The following DNPEP variants were observed in gnomAD, a reference collection of about 807,000 sequenced individuals.
DNPEP encodes aspartyl aminopeptidase.
DNPEP carries 46 observed loss-of-function variants against 59.1 expected under a neutral mutation model. The observed-to-expected ratio is 0.78, with a 90% CI of 0.61 to 0.99. DNPEP has a LOEUF of 0.99. Among genes scored for constraint, DNPEP ranks in the 50% least tolerant of loss-of-function variants. The pLI is 0.00. For synonymous variants in DNPEP, 229 were observed against 242.2 expected (o/e 0.95, Z 0.50); for missense variants, 617 against 649.9 (o/e 0.95, Z 0.55).
At chr2:219,386,870 A>ACCCCCCC in intron 3 of DNPEP, 22 bp downstream of exon 3, 1 of 1,431,928 alleles carries the variant, frequency 7.0e-7, no homozygotes, top group Non-Finnish European at 9.8e-7. Flanking sequence ...CTGCCTTTCC[A>ACCCCCCC]CCCCCACCCC....
Position 219,386,795 on chromosome 2 carries a change from G to A in DNPEP, c.220-17C>T. 2 of 1,607,874 alleles carry A rather than the reference G, an allele frequency of 1.2e-6. No individual in the cohort carries two copies. Among genetic ancestry groups the A allele is most frequent in the Non-Finnish European group, 1.7e-6 (2 of 1,174,690 alleles). Reference sequence around the variant, plus strand: ...CATGAAGTACTGAGGAGAAGGGGAGGAAAGACAGGGGTGTGAGTTGCATTA... The same window carrying A: ...CATGAAGTACTGAGGAGAAGGGGAGAAAAGACAGGGGTGTGAGTTGCATTA... On this transcript the variant is annotated splice_polypyrimidine_tract_variant and intron_variant, in intron 3 of 14. Transcript: ENST00000273075.
rs115897075 is a variant in DNPEP at position 219,385,510 on chromosome 2, G to T, written c.688C>A (p.Leu230Ile). ...AGATGGGCACAGAGCAGGGACATGAGGACCGAATGGTGCCGCTCATCCTGA... is the reference window on the plus strand; with the variant it reads ...AGATGGGCACAGAGCAGGGACATGATGACCGAATGGTGCCGCTCATCCTGA... ...NAVDERHHSV[L>I]MSLLCAHLGL... Residue 230 changes from leucine (L) to isoleucine (I), a missense_variant, in exon 8 of 15, where the codon CTC (leucine) becomes ATC (isoleucine). Transcript: ENST00000273075. 6.2e-7 allele frequency: 1 copy of T among 1,604,004 alleles called. No individual in the cohort carries two copies. Among genetic ancestry groups the T allele is most frequent in the African/African-American group, 1.3e-5 (1 of 74,882 alleles).
upstream of DNPEP, among the ~76,000 whole-genome samples, chr2:219,389,951 G>A (rs898900610): frequency 6.6e-5 from 10 of 152,156 alleles, no homozygotes; most frequent in African/African-American, 1.7e-4. Context: ...TGAAAGGGCC[G>A]AAACAAGGCT....
rs1382534841 is a variant in DNPEP, at chr2:219,382,091, C to G, written c.985G>C (p.Val329Leu). ...CACGAGGCTGAGATCCGCCGCAGCA[C>G]CAGCTCTGTCAGCAGTGACTGTGCT... Reference protein sequence around the residue: ...QGAQSLLTELVLRRISASCQH... With the variant: ...QGAQSLLTELLLRRISASCQH... The change falls in exon 11 of 15, where the codon GTG becomes CTG. Residue 329 changes from valine (V) to leucine (L), a missense_variant. Physicochemically the swap from Val to Leu is conservative, Grantham distance 32. Transcript: ENST00000273075. 2 of 1,613,692 alleles carry G rather than the reference C, an allele frequency of 1.2e-6. No individual in the cohort carries two copies. Among genetic ancestry groups the G allele is most frequent in the African/African-American group, 2.7e-5 (2 of 75,060 alleles).
At chr2:219,380,112 G>A (rs1358921223) in intron 13 of DNPEP, among the ~76,000 whole-genome samples, 1 of 151,366 alleles carries the variant, frequency 6.6e-6, no homozygotes, top group Non-Finnish European at 1.5e-5. Context: ...AACTTCGAGT[G>A]CCGTAAGCTC....
At chr2:219,379,471 A>G (rs1953499240) in intron 13 of DNPEP, among the ~76,000 whole-genome samples, 1 of 152,214 alleles carries the variant, frequency 6.6e-6, no homozygotes, top group Non-Finnish European at 1.5e-5. Flanking sequence ...AAAAGTTTAA[A>G]AATTTTAAAA....
In DNPEP at chr2:219,387,070, C is replaced by A; in HGVS notation, c.130G>T (p.Ala44Ser). The A allele has an allele frequency of 6.2e-7, 1 of 1,606,190 alleles. No homozygotes were observed. The highest frequency in any genetic ancestry group is 8.5e-7 in the Non-Finnish European group (1 of 1,175,846). Reference protein sequence around the residue: ...FVNRSPSPFHAVAECRNRLLQ... With the variant: ...FVNRSPSPFHSVAECRNRLLQ... ...CTCCCTTGCCCTGGCCACCGCTTAC[C>A]ATGGAAAGGAGAGGGACTCCGGTTC... Residue 44 changes from alanine to serine, a missense_variant and splice_region_variant, in exon 2 of 15, where the codon GCT (alanine) becomes TCT (serine). Physicochemically the swap from Ala to Ser is moderately conservative, Grantham distance 99. Transcript: ENST00000273075.
At chr2:219,377,204 G>A (rs1953406879) in intron 13 of DNPEP, among the ~76,000 whole-genome samples, 1 of 149,598 alleles carries the variant, frequency 6.7e-6, no homozygotes, top group African/African-American at 2.5e-5. Flanking sequence ...AACCAGGGAG[G>A]CGGAGGTTGC....
intron 9 of DNPEP, among the ~76,000 whole-genome samples, chr2:219,383,491 CT>C (rs796293079): frequency 4.9e-4 from 65 of 132,070 alleles, no homozygotes; most frequent in Admixed American, 5.3e-4. Flanking sequence ...TTCTTTCTTT[CT>C]TTTTTTTTTT....
intron 1 of DNPEP, 129 bp from the exon 2 acceptor site, chr2:219,387,292 G>GA: frequency 6.9e-7 from 1 of 1,448,172 alleles, no homozygotes; most frequent in Admixed American, 2.8e-5. Flanking sequence ...GCTTCCGCCC[G>GA]TCCCCACCGA....
rs752522351 is a variant in DNPEP, at chr2:219,381,542, C to T, written c.1137+3G>A. ...GTCCCTAGGGAGAAATGGCACGTCTCACCTTGTGGAATAAAGGCCGGTGGT... is the reference window on the plus strand; with the variant it reads ...GTCCCTAGGGAGAAATGGCACGTCTTACCTTGTGGAATAAAGGCCGGTGGT... On this transcript the variant is annotated splice_donor_region_variant and intron_variant, in intron 12 of 14. Coordinates refer to ENST00000273075, the MANE Select transcript of DNPEP (RefSeq NM_012100.4). 5.0e-6 allele frequency: 8 copies of T among 1,614,112 alleles called. No homozygotes were observed. Among genetic ancestry groups the T allele is most frequent in the Non-Finnish European group, 6.8e-6 (8 of 1,180,050 alleles).
intron 1 of DNPEP, among the ~76,000 whole-genome samples, chr2:219,398,649 C>CA (rs533381181): frequency 7.9e-4 from 107 of 135,730 alleles, no homozygotes; most frequent in South Asian, 2.1e-3. Flanking sequence ...GACTCCATCT[C>CA]AAAAAAAAAA....
chr2:219,378,544 C>T (rs1181382615), intron 13 of DNPEP, among the ~76,000 whole-genome samples: 3 of 152,116 alleles, frequency 2.0e-5, no homozygotes. Flanking sequence ...CAGGATACCA[C>T]GGTTCTACAC....
chr2:219,385,244 G>A, intron 8 of DNPEP, 180 bp downstream of exon 8: 2 of 574,874 alleles, frequency 3.5e-6, no homozygotes, highest in Non-Finnish European at 6.3e-6. Flanking sequence ...TCTGGGGTAG[G>A]GAACTTGTCT....
chr2:219,386,615 G>A (rs370035473), intron 4 of DNPEP, 50 bp downstream of exon 4: 1 of 1,545,476 alleles, frequency 6.5e-7, no homozygotes, highest in African/African-American at 1.4e-5. Context: ...CTTTTGCCCT[G>A]TACTCCCTCT....
At chr2:219,388,915 A>C (rs545483781), upstream of DNPEP, 1 of 978,204 alleles carries the variant, frequency 1.0e-6, no homozygotes, top group African/African-American at 1.8e-5. Flanking sequence ...AAGCTGAGAT[A>C]CGGAGACTAG....
chr2:219,377,930 A>T (rs951652099), intron 13 of DNPEP, among the ~76,000 whole-genome samples: 3 of 151,428 alleles, frequency 2.0e-5, no homozygotes, highest in South Asian at 2.1e-4. Flanking sequence ...TTCTAATTTT[A>T]AAAAAACATT....
At chr2:219,384,720 C>A (rs1296460051) in intron 8 of DNPEP, 1 of 287,296 alleles carries the variant, frequency 3.5e-6, no homozygotes, top group Non-Finnish European at 6.7e-6. Context: ...AGGCATGCAC[C>A]ACCAGGCCCA....
At chr2:219,386,443 C>CAGGTCTCCAGGTA (rs759770916) in intron 4 of DNPEP, 32 bp from the exon 5 acceptor site, 2 of 1,613,612 alleles carry the variant, frequency 1.2e-6, no homozygotes, top group Non-Finnish European at 1.7e-6. Flanking sequence ...TCAGAGAAGG[C>CAGGTCTCCAGGTA]TTCATGACGA....
Sources: allele counts gnomAD v4.1 joint callset (sites outside exome capture counted in the v4.1 genomes callset), GRCh38; gene constraint gnomAD v4.1.1; transcripts MANE v1.5; gene names NCBI Gene and HGNC (gene_info 2026-07-23, HGNC 2026-07-21).